The following RAB40B variants were observed in gnomAD, a reference collection of about 807,000 sequenced individuals.
The protein encoded by RAB40B is RAB40B, member RAS oncogene family.
A neutral mutation model predicts 24.0 loss-of-function variants in RAB40B; 21 were observed. That is an observed-to-expected ratio of 0.88 (90% CI 0.62 to 1.26). The LOEUF is 1.26. RAB40B is among the 50% of genes most tolerant of loss of function. The pLI is 0.00. For synonymous variants in RAB40B, 167 were observed against 169.8 expected (o/e 0.98, Z 0.13); for missense variants, 348 against 390.5 (o/e 0.89, Z 0.92).
chr17:82,661,030 C>G lies in RAB40B; in HGVS notation c.221G>C (p.Gly74Ala). Reference sequence around the variant, plus strand: ...GGAGCGGAATATGGTACAAAATCTTCCCTGGCCTGAAGTATCCCTGGAAAA... The same window carrying G: ...GGAGCGGAATATGGTACAAAATCTTGCCTGGCCTGAAGTATCCCTGGAAAA... ...KLQLWDTSGQ[G>A]RFCTIFRSYS... Residue 74 changes from glycine to alanine, a missense_variant, in exon 3 of 6, where the codon GGA becomes GCA. By Grantham distance (60) the Gly-to-Ala change is moderately conservative. This residue lies in a region of RAB40B where 126 missense variants were observed against 181.0 expected (regional missense o/e 0.70). Transcript: ENST00000571995. The G allele has an allele frequency of 3.7e-6, 6 of 1,614,096 alleles. No homozygotes were observed. Among genetic ancestry groups the G allele is most frequent in the Non-Finnish European group, 5.1e-6 (6 of 1,180,000 alleles).
intron 1 of RAB40B, among the ~76,000 whole-genome samples, chr17:82,668,954 C>A (rs1210513799): frequency 6.6e-6 from 1 of 152,238 alleles, no homozygotes; most frequent in Admixed American, 6.5e-5. Context: ...GTGGGGCACG[C>A]GGCGTAGCCT....
intron 1 of RAB40B, among the ~76,000 whole-genome samples, chr17:82,670,853 G>A (rs893676444): frequency 5.3e-5 from 8 of 151,902 alleles, no homozygotes; most frequent in Non-Finnish European, 7.4e-5. Context: ...CTTTTTAAGC[G>A]CCCTACGAGT....
chr17:82,685,456 C>T (rs191680288), intron 1 of RAB40B, among the ~76,000 whole-genome samples: 120 of 152,270 alleles, frequency 7.9e-4, no homozygotes, highest in East Asian at 2.9e-3. Flanking sequence ...CATGGACGAC[C>T]GGCAGAATGA....
intron 3 of RAB40B, 114 bp from the exon 4 acceptor site, chr17:82,659,771 C>A: frequency 1.3e-6 from 1 of 795,854 alleles, no homozygotes; most frequent in Non-Finnish European, 2.1e-6. Context: ...ACACAAAGTA[C>A]ATAATTTTGA....
At chr17:82,666,865 C>T (rs2046264077) in intron 1 of RAB40B, among the ~76,000 whole-genome samples, 1 of 152,196 alleles carries the variant, frequency 6.6e-6, no homozygotes, top group Admixed American at 6.5e-5. Context: ...GACAGTATCT[C>T]TCAAAGCACT....
At chr17:82,685,804 TTC>T (rs1160533270) in intron 1 of RAB40B, among the ~76,000 whole-genome samples, 1 of 97,644 alleles carries the variant, frequency 1.0e-5, no homozygotes, top group Non-Finnish European at 2.3e-5. Context: ...CTTCTTCTTC[TTC>T]TTTTTTTTTT....
At chr17:82,691,934 C>A (rs984293914) in intron 1 of RAB40B, among the ~76,000 whole-genome samples, 1 of 152,218 alleles carries the variant, frequency 6.6e-6, no homozygotes, top group African/African-American at 2.4e-5. Context: ...CACCAGGAAC[C>A]AGGGGTACCA....
At chr17:82,676,640 T>G (rs1294010319) in intron 1 of RAB40B, among the ~76,000 whole-genome samples, 3 of 152,114 alleles carry the variant, frequency 2.0e-5, no homozygotes. Context: ...TTTCTTTTTC[T>G]TTTTTGAGAT....
chr17:82,659,923 C>T (rs1447043145), intron 3 of RAB40B, among the ~76,000 whole-genome samples: 1 of 152,262 alleles, frequency 6.6e-6, no homozygotes, highest in Non-Finnish European at 1.5e-5. Flanking sequence ...TGCAGGGGCA[C>T]CGCAGTAATC....
chr17:82,690,658 CAG>C (rs1349551571), intron 1 of RAB40B, among the ~76,000 whole-genome samples: 1 of 140,898 alleles, frequency 7.1e-6, no homozygotes, highest in Non-Finnish European at 1.5e-5. Context: ...TCCCGGGGAG[CAG>C]AGAGTGTGCA....
chr17:82,660,096 GCA>G (rs1253315985), intron 3 of RAB40B, among the ~76,000 whole-genome samples: 4 of 151,592 alleles, frequency 2.6e-5, no homozygotes, highest in East Asian at 2.0e-4. Context: ...AGGCACTCAT[GCA>G]CAGACACAGT....
chr17:82,682,914 G>A (rs1414892814), intron 1 of RAB40B, among the ~76,000 whole-genome samples: 2 of 152,220 alleles, frequency 1.3e-5, no homozygotes, highest in South Asian at 2.1e-4. Context: ...GGAGACCGAG[G>A]CAGGCAGATC....
At chr17:82,680,657 C>T (rs118027829) in intron 1 of RAB40B, among the ~76,000 whole-genome samples, 3,866 of 152,210 alleles carry the variant, frequency 0.025, 71 homozygotes, top group Middle Eastern at 0.055. Context: ...TTTCTTTCTA[C>T]CTAGTAGTAA....
chr17:82,697,394 G>A lies in RAB40B; in HGVS notation c.142+1061C>T, dbSNP rs1421651072. Among the ~76,000 whole-genome samples, 1 of 152,136 alleles carries A rather than the reference G, an allele frequency of 6.6e-6. No homozygotes were observed. Among genetic ancestry groups the A allele is most frequent in the Non-Finnish European group, 1.5e-5 (1 of 68,008 alleles). On this transcript the variant is annotated intron_variant, in intron 1 of 5. Coordinates refer to ENST00000571995, the MANE Select transcript of RAB40B (RefSeq NM_006822.3). The surrounding 1 kb of genome is among the most constrained non-coding windows in gnomAD (Gnocchi z 4.9). ...TCGTCTCTGGCAGGACCCTGGACCTGGGGCTTCCCAGACCCTTCCCAGGCC... is the reference window on the plus strand; with the variant it reads ...TCGTCTCTGGCAGGACCCTGGACCTAGGGCTTCCCAGACCCTTCCCAGGCC...
chr17:82,666,755 C>A (rs931024968), intron 1 of RAB40B, among the ~76,000 whole-genome samples: 2 of 152,130 alleles, frequency 1.3e-5, no homozygotes, highest in African/African-American at 4.8e-5. Flanking sequence ...AAACCAGGTA[C>A]AATGACACGT....
rs951082827 is a variant in RAB40B at position 82,667,324 on chromosome 17, G to A, written c.143-2768C>T. Among the ~76,000 whole-genome samples the A allele has an allele frequency of 2.0e-5, 3 of 152,232 alleles. No individual in the cohort carries two copies. The highest frequency in any genetic ancestry group is 4.4e-5 in the Non-Finnish European group (3 of 68,036). On this transcript the variant is annotated intron_variant, in intron 1 of 5. Transcript: ENST00000571995. This position sits in a 1 kb window ranked among gnomAD's most constrained non-coding sequence, Gnocchi z 4.3. Reference sequence around the variant, plus strand: ...TCCCACTTGGCTTGGACAGCTGGTCGCCCACATCTTCAGGCAGGCCTGGGC... The same window carrying A: ...TCCCACTTGGCTTGGACAGCTGGTCACCCACATCTTCAGGCAGGCCTGGGC...
rs1598296567 is a variant in RAB40B at position 82,663,375 on chromosome 17, G to C, written c.203+1121C>G. On this transcript the variant is annotated intron_variant, in intron 2 of 5. Coordinates refer to ENST00000571995, the MANE Select transcript of RAB40B (RefSeq NM_006822.3). This position sits in a 1 kb window ranked among gnomAD's most constrained non-coding sequence, Gnocchi z 6.2. Reference sequence around the variant, plus strand: ...TCACCCAGGAGTGGCAGCAGTGCAGGAGGGATGCCCAAGAGGGAGGCAGCC... The same window carrying C: ...TCACCCAGGAGTGGCAGCAGTGCAGCAGGGATGCCCAAGAGGGAGGCAGCC... 6.6e-6 allele frequency among the ~76,000 whole-genome samples: 1 copy of C among 152,130 alleles called. No homozygotes were observed. The highest frequency in any genetic ancestry group is 2.4e-5 in the African/African-American group (1 of 41,420).
At chr17:82,660,936 GTTA>G in intron 3 of RAB40B, 48 bp downstream of exon 3, 1 of 1,573,992 alleles carries the variant, frequency 6.4e-7, no homozygotes, top group South Asian at 1.1e-5. Context: ...CATTGTAAAT[GTTA>G]TTATTCAAAG....
At position 82,655,152 on chromosome 17, in the gene RAB40B, C is replaced by T. The variant is rs1568025125; in HGVS notation, c.*2711G>A. The T allele has an allele frequency of 6.6e-6, 1 of 152,084 alleles. No individual in the cohort carries two copies. The highest frequency in any genetic ancestry group is 2.4e-5 in the African/African-American group (1 of 41,388). 9.4% of individuals were successfully genotyped at this position (152,084 alleles called of 1,614,324 possible). On this transcript the variant is annotated 3_prime_UTR_variant, in exon 6 of 6. Transcript: ENST00000571995. ...AGTTTCCTGAGGCTGCCGTAACAAT[C>T]GCCACAAACCTGGTGACTTAAATAA...
Sources: gnomAD v4.1 joint callset for allele counts (sites outside exome capture counted in the v4.1 genomes callset) on GRCh38, gnomAD v4.1.1 for gene constraint, gnomAD v4.1.1 regional missense constraint, Gnocchi (gnomAD v3.1) non-coding constraint, MANE v1.5 for transcripts, NCBI Gene and HGNC (gene_info 2026-07-23, HGNC 2026-07-21) for gene names.